The following PKP4 variants were observed in gnomAD, a reference collection of about 807,000 sequenced individuals.
The protein encoded by PKP4 is plakophilin 4, also known as plakophilin-4.
PKP4 carries 90 observed loss-of-function variants against 145.1 expected under a neutral mutation model. The observed-to-expected ratio is 0.62, with a 90% CI of 0.52 to 0.74. The LOEUF is 0.74. Among genes scored for constraint, PKP4 ranks in the 30% least tolerant of loss-of-function variants. PKP4 has a pLI of 0.00. For synonymous variants in PKP4, 563 were observed against 577.2 expected (o/e 0.98, Z 0.35); for missense variants, 1,340 against 1,482.7 (o/e 0.90, Z 1.58).
chr2:158,598,663 G>A (rs1199225814), intron 3 of PKP4, among the ~76,000 whole-genome samples: 1 of 152,124 alleles, frequency 6.6e-6, no homozygotes, highest in Admixed American at 6.5e-5. Flanking sequence ...CAGCTACTTG[G>A]GAGGCTGAGG....
intron 7 of PKP4, among the ~76,000 whole-genome samples, chr2:158,628,693 T>C (rs1032406799): frequency 6.6e-6 from 1 of 152,264 alleles, no homozygotes; most frequent in Admixed American, 6.5e-5. Flanking sequence ...CATGAAATCA[T>C]AGTCTGTGCT....
intron 1 of PKP4, among the ~76,000 whole-genome samples, chr2:158,458,998 C>T (rs1483122674): frequency 6.6e-6 from 1 of 151,852 alleles, no homozygotes; most frequent in Non-Finnish European, 1.5e-5. Flanking sequence ...CGTGTAAAAT[C>T]AATGATGGCT....
At position 158,678,647 on chromosome 2, in the gene PKP4, G is replaced by A; in HGVS notation, c.3323G>A (p.Arg1108Gln). Residue 1108 changes from arginine (R) to glutamine (Q), a missense_variant, in exon 21 of 22, where the codon CGG (arginine) becomes CAG (glutamine). Physicochemically the swap from Arg to Gln is conservative, Grantham distance 43. Transcript: ENST00000389759. Reference protein sequence around the residue: ...YSSPAREQNRRLQHQQLYYSQ... With the variant: ...YSSPAREQNRQLQHQQLYYSQ... ...TCACCAGCAAGAGAACAAAATAGAC[G>A]GCTACAGGTGAATTTGCAATATCAT... is the stretch of plus-strand genomic sequence containing the variant. 8 of 1,582,022 alleles carry A rather than the reference G, an allele frequency of 5.1e-6. No individual in the cohort carries two copies. Among genetic ancestry groups the A allele is most frequent in the South Asian group, 1.1e-5 (1 of 90,392 alleles).
At chr2:158,535,826 G>A (rs1254475048) in intron 2 of PKP4, among the ~76,000 whole-genome samples, 1 of 152,140 alleles carries the variant, frequency 6.6e-6, no homozygotes, top group Admixed American at 6.5e-5. Flanking sequence ...TCTTAGGAAT[G>A]ATATTTCCTT....
intron 11 of PKP4, among the ~76,000 whole-genome samples, chr2:158,650,750 T>G (rs1170899299): frequency 6.6e-6 from 1 of 152,216 alleles, no homozygotes; most frequent in African/African-American, 2.4e-5. Context: ...CAGCTGGACC[T>G]GAGTGAGCTC....
At chr2:158,512,964 T>C (rs1035033705) in intron 1 of PKP4, among the ~76,000 whole-genome samples, 1 of 152,242 alleles carries the variant, frequency 6.6e-6, no homozygotes, top group Non-Finnish European at 1.5e-5. Flanking sequence ...AAGATGTGTT[T>C]GCAAGAAGAG....
At chr2:158,464,564 A>G (rs994792117) in intron 1 of PKP4, among the ~76,000 whole-genome samples, 6 of 152,250 alleles carry the variant, frequency 3.9e-5, no homozygotes, top group African/African-American at 7.2e-5. Context: ...TGCAATAAGC[A>G]CATTATTTGC....
chr2:158,511,899 T>C (rs985370314), intron 1 of PKP4, among the ~76,000 whole-genome samples: 3 of 151,734 alleles, frequency 2.0e-5, no homozygotes, highest in Non-Finnish European at 4.4e-5. Context: ...AAAAAAAAAA[T>C]GCTGAGTAAA....
intron 2 of PKP4, among the ~76,000 whole-genome samples, chr2:158,556,329 A>G (rs2046088638): frequency 6.6e-6 from 1 of 152,194 alleles, no homozygotes. Context: ...AGAGGCAATC[A>G]AATACTTCTC....
At chr2:158,525,874 G>A (rs1040842256) in intron 1 of PKP4, among the ~76,000 whole-genome samples, 3 of 149,988 alleles carry the variant, frequency 2.0e-5, no homozygotes, top group Non-Finnish European at 4.4e-5. Context: ...AAATAAACTA[G>A]AAAATCTAGA....
At chr2:158,599,325 C>T (rs1187047181) in intron 3 of PKP4, among the ~76,000 whole-genome samples, 1 of 152,176 alleles carries the variant, frequency 6.6e-6, no homozygotes, top group Non-Finnish European at 1.5e-5. Context: ...TGAGTGATAG[C>T]CATGTGTCAG....
chr2:158,670,146 A>C (rs1351872750), intron 17 of PKP4, among the ~76,000 whole-genome samples: 1 of 152,082 alleles, frequency 6.6e-6, no homozygotes, highest in Non-Finnish European at 1.5e-5. Flanking sequence ...TCACTCCTAC[A>C]TTGGTATTTG....
At chr2:158,493,841 C>G (rs551263839) in intron 1 of PKP4, among the ~76,000 whole-genome samples, 1 of 152,278 alleles carries the variant, frequency 6.6e-6, no homozygotes, top group Non-Finnish European at 1.5e-5. Flanking sequence ...TTGCCTTTCT[C>G]TCCTCTTCCC....
In PKP4 at chr2:158,642,549, C is replaced by G. The variant is rs1433170457; in HGVS notation, c.1759C>G (p.Gln587Glu). ...TCTGGACCACAGAGTTTTGGAAGTT[C>G]AGAAGAATGCTTGTGGTGCCCTTCG... is the stretch of plus-strand genomic sequence containing the variant. ...DLLDHRVLEV[Q>E]KNACGALRNL... The change falls in exon 11 of 22, where the codon CAG becomes GAG. Residue 587 changes from glutamine to glutamate, a missense_variant. Transcript: ENST00000389759. 15 of 1,613,690 alleles carry G rather than the reference C, an allele frequency of 9.3e-6. No individual in the cohort carries two copies. The highest frequency in any genetic ancestry group is 3.3e-5 in the Admixed American group (2 of 60,020).
At chr2:158,605,970 A>G (rs961731068) in intron 4 of PKP4, among the ~76,000 whole-genome samples, 3 of 152,222 alleles carry the variant, frequency 2.0e-5, no homozygotes, top group Non-Finnish European at 4.4e-5. Context: ...ATGTAACAGT[A>G]GTTTATTCCT....
At chr2:158,538,850 G>A (rs4664970) in intron 2 of PKP4, among the ~76,000 whole-genome samples, 138,956 of 152,226 alleles carry the variant, frequency 0.91, 63,480 homozygotes, top group East Asian at 0.98. Context: ...CCCACAAACC[G>A]CATTCTTATA....
At chr2:158,610,603 T>G (rs1016204582) in intron 4 of PKP4, among the ~76,000 whole-genome samples, 1 of 152,194 alleles carries the variant, frequency 6.6e-6, no homozygotes, top group Non-Finnish European at 1.5e-5. Flanking sequence ...ATCTATAGGT[T>G]GAAGCCATGG....
At chr2:158,641,630 A>T (rs2054291227) in intron 10 of PKP4, among the ~76,000 whole-genome samples, 1 of 152,152 alleles carries the variant, frequency 6.6e-6, no homozygotes, top group Non-Finnish European at 1.5e-5. Context: ...GTTTTTCATC[A>T]TTTTAATGTG....
chr2:158,678,454 CGCAT>C, intron 20 of PKP4, 123 bp from the exon 21 acceptor site: 1 of 702,712 alleles, frequency 1.4e-6, no homozygotes, highest in Non-Finnish European at 2.6e-6. Flanking sequence ...TCTCCCAGCC[CGCAT>C]TGGCACTGGG....
Sources: allele counts gnomAD v4.1 joint callset (sites outside exome capture counted in the v4.1 genomes callset), GRCh38; gene constraint gnomAD v4.1.1; transcripts MANE v1.5; gene names NCBI Gene and HGNC (gene_info 2026-07-23, HGNC 2026-07-21).